Variants in ATF1 observed in about 807,000 individuals in gnomAD.
The protein encoded by ATF1 is cyclic AMP-dependent transcription factor ATF-1.
In ATF1, 16 loss-of-function variants were observed where a neutral mutation model predicts 34.7. The ratio of observed to expected loss-of-function variants is 0.46; its 90% CI spans 0.31 to 0.70. The LOEUF (loss-of-function observed/expected upper bound fraction) is 0.70. Ranked by LOEUF, ATF1 falls within the 30% of genes least tolerant of loss-of-function variation. ATF1 has a pLI of 0.05. For missense variants in ATF1, 255 were observed against 321.6 expected, an observed-to-expected ratio of 0.79 and a Z score of 1.58; for synonymous variants, 105 against 113.1, an observed-to-expected ratio of 0.93 and a Z score of 0.46.
chr12:50,797,898 C>T (rs1200995316), intron 3 of ATF1, among the ~76,000 whole-genome samples: 2 of 152,026 alleles, frequency 1.3e-5, no homozygotes, highest in African/African-American at 2.4e-5. Flanking sequence ...CTTAAGGAGG[C>T]TGGGTACAGT....
At chr12:50,809,393 AAAT>A in intron 3 of ATF1, 60 bp from the exon 4 acceptor site, 1 of 1,245,342 alleles carries the variant, frequency 8.0e-7, no homozygotes. Flanking sequence ...AAAAAAAAAA[AAAT>A]TATTTTTGTG....
At chr12:50,779,337 A>G (rs986264500) in intron 1 of ATF1, among the ~76,000 whole-genome samples, 1 of 152,220 alleles carries the variant, frequency 6.6e-6, no homozygotes, top group Non-Finnish European at 1.5e-5. Context: ...AGCGTTTTCC[A>G]TAATAGCTGT....
intron 1 of ATF1, among the ~76,000 whole-genome samples, chr12:50,764,843 C>A (rs1490214717): frequency 1.3e-5 from 2 of 152,266 alleles, no homozygotes; most frequent in African/African-American, 4.8e-5. Context: ...GGGCATTGCG[C>A]ACGCCCCAGA....
intron 2 of ATF1, among the ~76,000 whole-genome samples, chr12:50,790,875 T>A (rs1941286775): frequency 6.6e-6 from 1 of 152,096 alleles, no homozygotes; most frequent in African/African-American, 2.4e-5. Flanking sequence ...GGTTTTAGAA[T>A]GTCTACATCT....
chr12:50,777,620 A>ACC (rs140167881), intron 1 of ATF1, among the ~76,000 whole-genome samples: 4 of 150,102 alleles, frequency 2.7e-5, no homozygotes, highest in African/African-American at 9.8e-5. Flanking sequence ...TACAGAAAAG[A>ACC]CCCCCCCCAA....
chr12:50,809,555 A>G lies in ATF1; in HGVS notation c.294A>G (p.Pro98=). ...VSAAVTSMSV[P]TPIYQTSSGQ... ...CTGCTGTCACTTCTATGTCTGTTCC[A>G]ACTCCCATCTATCAGACTAGCAGCG... The change falls in exon 4 of 7, where the codon CCA becomes CCG. Residue 98 remains proline, a synonymous_variant. Transcript: ENST00000262053. 2.5e-6 allele frequency: 4 copies of G among 1,613,814 alleles called. No homozygotes were observed. The highest frequency in any genetic ancestry group is 3.4e-6 in the Non-Finnish European group (4 of 1,179,766).
At chr12:50,795,857 G>A in intron 2 of ATF1, 52 bp from the exon 3 acceptor site, 1 of 1,409,808 alleles carries the variant, frequency 7.1e-7, no homozygotes. Context: ...AAATTCAGTT[G>A]TTTCTTTTCC....
chr12:50,786,961 A>ACCC (rs1353012434), intron 2 of ATF1, among the ~76,000 whole-genome samples: 1 of 152,192 alleles, frequency 6.6e-6, no homozygotes, highest in African/African-American at 2.4e-5. Context: ...ACCCTCTGAC[A>ACCC]TACCAGCCCC....
intron 1 of ATF1, among the ~76,000 whole-genome samples, chr12:50,765,259 T>C (rs1940603768): frequency 6.6e-6 from 1 of 152,222 alleles, no homozygotes; most frequent in Non-Finnish European, 1.5e-5. Flanking sequence ...CTGAGGTTTT[T>C]GTTAACAGAA....
intron 2 of ATF1, among the ~76,000 whole-genome samples, chr12:50,794,076 G>A (rs1355744988): frequency 3.3e-5 from 5 of 151,530 alleles, no homozygotes; most frequent in East Asian, 4.0e-4. Context: ...TCAGCCTCCC[G>A]AGTAGCTGGG....
chr12:50,786,994 A>G (rs1941198532), intron 2 of ATF1, among the ~76,000 whole-genome samples: 1 of 152,224 alleles, frequency 6.6e-6, no homozygotes, highest in Non-Finnish European at 1.5e-5. Context: ...AAGTCATACT[A>G]GAGGAATTTG....
intron 2 of ATF1, among the ~76,000 whole-genome samples, chr12:50,787,642 T>A (rs1363790363): frequency 6.6e-6 from 1 of 151,314 alleles, no homozygotes. Context: ...CTCAGGAGGC[T>A]GAAGTGGGAG....
intron 2 of ATF1, among the ~76,000 whole-genome samples, chr12:50,782,554 C>CTTTTTTTTTTTTTTTTT (rs1192258164): frequency 8.0e-6 from 1 of 124,932 alleles, no homozygotes. Context: ...CACACCCGGC[C>CTTTTTTTTTTTTTTTTT]TTTTTTTTTT....
At chr12:50,801,320 A>G (rs1941507012) in intron 3 of ATF1, among the ~76,000 whole-genome samples, 1 of 150,792 alleles carries the variant, frequency 6.6e-6, no homozygotes, top group South Asian at 2.1e-4. Context: ...AGCAACTACT[A>G]AAAAAAAACT....
At chr12:50,812,499 G>A (rs1419775342) in intron 4 of ATF1, among the ~76,000 whole-genome samples, 5 of 152,114 alleles carry the variant, frequency 3.3e-5, no homozygotes, top group African/African-American at 1.2e-4. Context: ...ATAATGTGTT[G>A]CAGGGAAGAA....
intron 1 of ATF1, among the ~76,000 whole-genome samples, chr12:50,774,724 GA>G (rs1324539985): frequency 6.6e-6 from 1 of 150,654 alleles, no homozygotes; most frequent in Non-Finnish European, 1.5e-5. Context: ...TTTTATTTTG[GA>G]AAAAAGAGTT....
chr12:50,819,829 T>A lies in ATF1; in HGVS notation c.*50T>A, dbSNP rs1307721026. ...TGGACATGCATAAAAATTAAATGGA[T>A]TTCCTAGTGGAGTTTTATAAATTAA... On this transcript the variant is annotated 3_prime_UTR_variant, in exon 7 of 7. Transcript: ENST00000262053. 7.8e-6 allele frequency: 11 copies of A among 1,405,010 alleles called. No homozygotes were observed. The highest frequency in any genetic ancestry group is 1.1e-5 in the Non-Finnish European group (11 of 1,026,260). The allele number at this position is 1,405,010 out of a possible 1,614,324, so 87.0% of individuals were successfully genotyped here.
chr12:50,783,610 C>A (rs1306119159), intron 2 of ATF1, among the ~76,000 whole-genome samples: 2 of 152,098 alleles, frequency 1.3e-5, no homozygotes, highest in East Asian at 3.8e-4. Flanking sequence ...TGGCTCATGC[C>A]TGTAATCCCA....
At chr12:50,794,817 G>T (rs952268159) in intron 2 of ATF1, among the ~76,000 whole-genome samples, 39 of 151,864 alleles carry the variant, frequency 2.6e-4, no homozygotes, top group African/African-American at 9.4e-4. Flanking sequence ...TACTCAGGAG[G>T]CTCAGGCTGG....
Sources: gnomAD v4.1 joint callset for allele counts (sites outside exome capture counted in the v4.1 genomes callset) on GRCh38, gnomAD v4.1.1 for gene constraint, MANE v1.5 for transcripts, NCBI Gene and HGNC (gene_info 2026-07-23, HGNC 2026-07-21) for gene names.